ANO1: variants seen among roughly 807,000 people sequenced by gnomAD.
ANO1 encodes anoctamin-1.
In ANO1, 59 loss-of-function variants were observed where a neutral mutation model predicts 124.0. That is an observed-to-expected ratio of 0.48 (90% CI 0.39 to 0.59). The LOEUF is 0.59. Among genes scored for constraint, ANO1 ranks in the 20% least tolerant of loss-of-function variants. The pLI, the probability that ANO1 is intolerant of heterozygous loss-of-function variation, is 0.00. For missense variants in ANO1, 1,059 were observed against 1,328.0 expected (o/e 0.80, Z 3.15); for synonymous variants, 529 against 532.0 (o/e 0.99, Z 0.08).
In ANO1 at chr11:70,012,757, G is replaced by A. The variant is rs1415754854; in HGVS notation, c.58+26591G>A. ...CATCCATTCTTTCATCTATCTATTC[G>A]TCCACACATTCATCCATCCATTTGC... On this transcript the variant is annotated intron_variant, in intron 1 of 27. Transcript: ENST00000531349. Among the ~76,000 whole-genome samples, 8 of 149,932 alleles carry A rather than the reference G, an allele frequency of 5.3e-5. No individual in the cohort carries two copies. The South Asian group carries it at 8.5e-4, about 16-fold the overall frequency.
intron 21 of ANO1, 53 bp from the exon 22 acceptor site, chr11:70,170,834 C>T (rs948133950): frequency 1.9e-6 from 3 of 1,567,162 alleles, no homozygotes; most frequent in African/African-American, 1.4e-5. Context: ...TGGAGTCCCC[C>T]CTTATGGGCT....
chr11:70,161,491 C>T (rs887986094), intron 17 of ANO1, 129 bp downstream of exon 17: 10 of 1,379,644 alleles, frequency 7.2e-6, no homozygotes, highest in Non-Finnish European at 1.0e-5. Context: ...CAATGGGTAT[C>T]CTGAGCACAG....
In ANO1 at chr11:70,161,661, T is replaced by C. The variant is rs1460838989; in HGVS notation, c.1820T>C (p.Ile607Thr). 2.5e-6 allele frequency: 4 copies of C among 1,614,028 alleles called. No individual in the cohort carries two copies. The highest frequency in any genetic ancestry group is 2.2e-5 in the South Asian group (2 of 91,090). ...GAGAAAAGCTTTGAGGAGAGGCTGATCTTCAAGGCTTTCCTGCTGAAGTTT... is the reference window on the plus strand; with the variant it reads ...GAGAAAAGCTTTGAGGAGAGGCTGACCTTCAAGGCTTTCCTGCTGAAGTTT... ...KTEKSFEERL[I>T]FKAFLLKFVN... The change falls in exon 18 of 26, where the codon ATC becomes ACC. Residue 607 changes from isoleucine (I) to threonine (T), a missense_variant. By Grantham distance (89) the Ile-to-Thr change is moderately conservative. Around this residue, in one of 2 missense-constraint regions of ANO1, gnomAD observed 809 missense variants for 1,094.9 expected, o/e 0.74. Coordinates refer to ENST00000355303, the MANE Select transcript of ANO1 (RefSeq NM_018043.7).
intron 2 of ANO1, among the ~76,000 whole-genome samples, chr11:70,089,755 G>C (rs2044545129): frequency 6.6e-6 from 1 of 152,210 alleles, no homozygotes; most frequent in African/African-American, 2.4e-5. Context: ...TAGACACTTG[G>C]AACAGGCGAG....
intron 6 of ANO1, among the ~76,000 whole-genome samples, chr11:70,110,691 T>C (rs1278205263): frequency 6.6e-6 from 1 of 152,152 alleles, no homozygotes; most frequent in East Asian, 1.9e-4. Flanking sequence ...CCGCCCAGGC[T>C]GCTGTGAAAA....
At chr11:70,078,064 G>A (rs945684251), upstream of ANO1, among the ~76,000 whole-genome samples, 1 of 152,076 alleles carries the variant, frequency 6.6e-6, no homozygotes, top group Non-Finnish European at 1.5e-5. Context: ...CCACAGAAGC[G>A]CCTGCCACTC....
intron 1 of ANO1, among the ~76,000 whole-genome samples, chr11:70,029,604 G>C (rs1555003587): frequency 6.6e-6 from 1 of 152,252 alleles, no homozygotes; most frequent in Non-Finnish European, 1.5e-5. Flanking sequence ...AGGCCTCTGA[G>C]GGCGCCCAGG....
chr11:70,074,745 G>A (rs1253048642), upstream of ANO1, among the ~76,000 whole-genome samples: 1 of 152,204 alleles, frequency 6.6e-6, no homozygotes, highest in Non-Finnish European at 1.5e-5. Context: ...TGGAGGCAGA[G>A]GGTGCTGCTG....
chr11:69,984,716 G>A (rs537223756), upstream of ANO1, among the ~76,000 whole-genome samples: 4 of 152,210 alleles, frequency 2.6e-5, no homozygotes, highest in African/African-American at 9.6e-5. Context: ...TCTCCCTCAG[G>A]GCCCAGCCAA....
intron 1 of ANO1, among the ~76,000 whole-genome samples, chr11:70,081,785 G>A (rs1399190514): frequency 7.2e-5 from 11 of 152,186 alleles, no homozygotes; most frequent in Admixed American, 6.5e-4. Context: ...CATAGAGGCA[G>A]GTGTGGACCA....
At chr11:70,130,828 G>A (rs2046726502) in intron 10 of ANO1, among the ~76,000 whole-genome samples, 1 of 152,182 alleles carries the variant, frequency 6.6e-6, no homozygotes, top group African/African-American at 2.4e-5. Flanking sequence ...CCGGGCAGCT[G>A]GGGACCTATT....
intron 1 of ANO1, among the ~76,000 whole-genome samples, chr11:69,999,599 A>C (rs78066979): frequency 0.014 from 2,109 of 152,288 alleles, 38 homozygotes; most frequent in East Asian, 0.087. Flanking sequence ...TGTTGGCTTT[A>C]CGCACCATCT....
intron 1 of ANO1, among the ~76,000 whole-genome samples, chr11:70,024,341 A>G (rs551547822): frequency 1.3e-5 from 2 of 152,260 alleles, no homozygotes; most frequent in African/African-American, 4.8e-5. Context: ...CATAAACCAC[A>G]TGGGCTGAAA....
At chr11:70,039,663 C>T (rs34826989) in intron 1 of ANO1, among the ~76,000 whole-genome samples, 2,714 of 152,044 alleles carry the variant, frequency 0.018, 31 homozygotes, top group Non-Finnish European at 0.028. Flanking sequence ...AGGTAGTAGT[C>T]CCACCTCCCC....
chr11:70,100,597 A>G (rs1364882513), intron 2 of ANO1, among the ~76,000 whole-genome samples: 1 of 152,156 alleles, frequency 6.6e-6, no homozygotes, highest in Non-Finnish European at 1.5e-5. Context: ...GAGCTGAAGG[A>G]GAATGAACAC....
chr11:70,013,970 GTCTTCACTTGGCC>G (rs1856650965), intron 1 of ANO1, among the ~76,000 whole-genome samples: 1 of 151,160 alleles, frequency 6.6e-6, no homozygotes, highest in Non-Finnish European at 1.5e-5. Context: ...TCCTCCTTGG[GTCTTCACTTGGCC>G]TCTTCTCTGT....
At chr11:69,972,912 C>T in the ANO1 span, among the ~76,000 whole-genome samples, 3 of 144,430 alleles carry the variant, frequency 2.1e-5, no homozygotes, top group Middle Eastern at 3.6e-3. Context: ...TTTTCTTTTT[C>T]TTTCTTTTTT....
chr11:70,131,805 C>T, intron 10 of ANO1, 114 bp from the exon 11 acceptor site: 1 of 1,301,344 alleles, frequency 7.7e-7, no homozygotes. Flanking sequence ...ACCTGAGGGA[C>T]CCTCGCCAAC....
intron 1 of ANO1, among the ~76,000 whole-genome samples, chr11:69,989,983 A>T (rs1347318744): frequency 6.6e-6 from 1 of 152,198 alleles, no homozygotes; most frequent in East Asian, 1.9e-4. Context: ...AAATTGTGTT[A>T]GATATTATAT....
Sources: gnomAD v4.1 joint callset for allele counts (sites outside exome capture counted in the v4.1 genomes callset) on GRCh38, gnomAD v4.1.1 for gene constraint, gnomAD v4.1.1 regional missense constraint, MANE v1.5 for transcripts, NCBI Gene and HGNC (gene_info 2026-07-23, HGNC 2026-07-21) for gene names.